HP1BP3: variants seen among roughly 807,000 people sequenced by gnomAD.
HP1BP3 encodes heterochromatin protein 1 binding protein 3, also known as heterochromatin protein 1-binding protein 3.
A neutral mutation model predicts 62.5 loss-of-function variants in HP1BP3; 12 were observed. The observed-to-expected ratio is 0.19, with a 90% confidence interval of 0.12 to 0.31. The LOEUF is 0.31. Ranked by LOEUF, HP1BP3 falls within the 10% of genes least tolerant of loss-of-function variation. HP1BP3 has a pLI of 1.00. For missense variants in HP1BP3, 502 were observed against 651.8 expected (o/e 0.77, Z 2.50); for synonymous variants, 260 against 237.8 (o/e 1.09, Z -0.86).
chr1:20,785,039 C>G (rs2057758694), intron 1 of HP1BP3, among the ~76,000 whole-genome samples: 1 of 152,302 alleles, frequency 6.6e-6, no homozygotes, highest in East Asian at 1.9e-4. Flanking sequence ...CCTCCCACCT[C>G]AGCCACCTGA....
chr1:20,745,685 C>T, intron 11 of HP1BP3, 29 bp from the exon 12 acceptor site: 2 of 1,611,092 alleles, frequency 1.2e-6, no homozygotes, highest in Non-Finnish European at 1.7e-6. Flanking sequence ...GATTAAAACA[C>T]AAGTCCCATA....
chr1:20,775,933 G>A, intron 4 of HP1BP3: 1 of 1,496,930 alleles, frequency 6.7e-7, no homozygotes, highest in Non-Finnish European at 8.9e-7. Flanking sequence ...AGCAATGCAT[G>A]ACTATAGTTA....
chr1:20,749,408 G>C (rs960861353), intron 10 of HP1BP3, among the ~76,000 whole-genome samples: 4 of 149,828 alleles, frequency 2.7e-5, no homozygotes, highest in African/African-American at 9.9e-5. Flanking sequence ...GTCCGGATTG[G>C]AGTACAATGG....
At chr1:20,755,502 G>A (rs2056049643) in intron 9 of HP1BP3, 1 of 354,550 alleles carries the variant, frequency 2.8e-6, no homozygotes, top group South Asian at 2.1e-5. Context: ...TTGAGCCAGG[G>A]AGGTGGAGGT....
In HP1BP3 at chr1:20,749,780, T is replaced by C; in HGVS notation, c.1084A>G (p.Thr362Ala). 6.2e-7 allele frequency: 1 copy of C among 1,613,892 alleles called. No individual in the cohort carries two copies. Among genetic ancestry groups the C allele is most frequent in the Non-Finnish European group, 8.5e-7 (1 of 1,179,818 alleles). The change falls in exon 10 of 13, where the codon ACT becomes GCT. Residue 362 changes from threonine (T) to alanine (A), a missense_variant. Transcript: ENST00000438032. ...TCTAGGACATACTTCTTCAGAGCAGTGGTAGAGCAGGTCTTCGGCTCATTC... is the reference window on the plus strand; with the variant it reads ...TCTAGGACATACTTCTTCAGAGCAGCGGTAGAGCAGGTCTTCGGCTCATTC... Reference protein sequence around the residue: ...AMNEPKTCSTTALKKYVLENH... With the variant: ...AMNEPKTCSTAALKKYVLENH...
intron 11 of HP1BP3, 74 bp downstream of exon 11, chr1:20,747,470 G>C: frequency 3.2e-6 from 3 of 941,512 alleles, no homozygotes; most frequent in Non-Finnish European, 4.9e-6. Context: ...CAGTAATAAG[G>C]GTAAAATAAA....
At chr1:20,761,326 C>CCA (rs1178321956) in intron 8 of HP1BP3, among the ~76,000 whole-genome samples, 1 of 152,158 alleles carries the variant, frequency 6.6e-6, no homozygotes, top group African/African-American at 2.4e-5. Context: ...CAGGCATGAG[C>CCA]CACAGTACCC....
chr1:20,767,543 A>G (rs779510716), intron 7 of HP1BP3, 41 bp downstream of exon 7: 1 of 1,279,730 alleles, frequency 7.8e-7, no homozygotes, highest in Non-Finnish European at 1.1e-6. Context: ...TAGTAGCAGT[A>G]ACAGCTCCAC....
At chr1:20,773,198 G>A (rs3767237) in intron 5 of HP1BP3, among the ~76,000 whole-genome samples, 10,943 of 152,020 alleles carry the variant, frequency 0.072, 782 homozygotes, top group East Asian at 0.32. Context: ...GTACTTAATC[G>A]ATAAACTGCA....
intron 5 of HP1BP3, among the ~76,000 whole-genome samples, chr1:20,771,316 T>C (rs2057049527): frequency 1.3e-5 from 2 of 152,164 alleles, no homozygotes; most frequent in Non-Finnish European, 2.9e-5. Flanking sequence ...CGAACAACAT[T>C]CTATGTATAA....
chr1:20,752,482 G>A (rs903791615), intron 9 of HP1BP3, among the ~76,000 whole-genome samples: 1 of 151,788 alleles, frequency 6.6e-6, no homozygotes, highest in Non-Finnish European at 1.5e-5. Context: ...AGTAGAGATG[G>A]GGTTTCACCA....
chr1:20,751,665 G>C (rs1196411124), intron 9 of HP1BP3, among the ~76,000 whole-genome samples: 1 of 151,496 alleles, frequency 6.6e-6, no homozygotes, highest in Non-Finnish European at 1.5e-5. Context: ...GAGGCTATTA[G>C]TGAGCTATGA....
chr1:20,783,769 CAAAAAAAA>C (rs1164930528), intron 1 of HP1BP3, among the ~76,000 whole-genome samples: 24 of 53,138 alleles, frequency 4.5e-4, no homozygotes, highest in East Asian at 2.7e-3. Context: ...GACTCTGTCT[CAAAAAAAA>C]AAAAAAAAAA....
intron 10 of HP1BP3, among the ~76,000 whole-genome samples, chr1:20,747,886 AT>A (rs1371518463): frequency 6.6e-6 from 1 of 152,142 alleles, no homozygotes; most frequent in African/African-American, 2.4e-5. Flanking sequence ...ATATTTTAAA[AT>A]TTTGCAAAAT....
chr1:20,770,978 G>A lies in HP1BP3; in HGVS notation c.606C>T (p.Leu202=). The change falls in exon 6 of 13, where the codon CTC becomes CTT. Residue 202 remains leucine (L), a synonymous_variant. Coordinates refer to ENST00000438032, the MANE Select transcript of HP1BP3 (RefSeq NM_001372052.1). The part of the protein sequence containing the change: ...PSLELERRGY[L]LKQALKRELN... ...ATTCTCTTTTCAGTGCTTGTTTAAG[G>A]AGATAACCCCTTCTCTCCAGCTCCA... 6.2e-7 allele frequency: 1 copy of A among 1,610,372 alleles called. No individual in the cohort carries two copies. Among genetic ancestry groups the A allele is most frequent in the Non-Finnish European group, 8.5e-7 (1 of 1,178,674 alleles).
At chr1:20,764,849 T>C (rs1403734256) in intron 8 of HP1BP3, among the ~76,000 whole-genome samples, 1 of 150,784 alleles carries the variant, frequency 6.6e-6, no homozygotes, top group African/African-American at 2.4e-5. Flanking sequence ...CACTCCAGCC[T>C]GGGTAACAAG....
rs767621434 is a variant in HP1BP3 at position 20,750,816 on chromosome 1, C to CTTTT, written c.982-938_982-935dup. Among the ~76,000 whole-genome samples the CTTTT allele has an allele frequency of 4.9e-4, 57 of 116,520 alleles. 1 individual carries two copies. The highest frequency in any genetic ancestry group is 1.5e-3 in the East Asian group (6 of 3,948). The allele number at this position is 116,520 out of a possible 152,430, so 76.4% of individuals were successfully genotyped here. The stretch of plus-strand genomic sequence containing the variant: ...AATGAACAATAAATATATTTTCTCT[C>CTTTT]TTTTTTTTTTTTTTTTTTTGAGACA... On this transcript the variant is annotated intron_variant, in intron 9 of 12. Coordinates refer to ENST00000438032, the MANE Select transcript of HP1BP3 (RefSeq NM_001372052.1).
chr1:20,780,277 A>AGGAC (rs1303797416), intron 2 of HP1BP3, 68 bp downstream of exon 2: 2 of 1,106,878 alleles, frequency 1.8e-6, no homozygotes, highest in Non-Finnish European at 2.8e-6. Flanking sequence ...TGTACCAAGA[A>AGGAC]GGACCCAGCA....
At position 20,779,792 on chromosome 1, in the gene HP1BP3, G is replaced by GT. The variant is rs1421693921; in HGVS notation, c.196+19dup. 4.6e-6 allele frequency: 7 copies of GT among 1,536,172 alleles called. No homozygotes were observed. In the East Asian group the frequency reaches 1.1e-4, roughly 25 times the overall value. ...AGTATAACTTTTGATGTTTTAAGCT[G>GT]TGTCACCATTTTACTTTACCTGGCT... On this transcript the variant is annotated intron_variant, in intron 3 of 12. Transcript: ENST00000438032.
Sources: allele counts gnomAD v4.1 joint callset (sites outside exome capture counted in the v4.1 genomes callset), GRCh38; gene constraint gnomAD v4.1.1; transcripts MANE v1.5; gene names NCBI Gene and HGNC (gene_info 2026-07-23, HGNC 2026-07-21).